UNC80: variants seen among roughly 807,000 people sequenced by gnomAD.
The protein encoded by UNC80 is unc-80 subunit of NALCN channel complex.
UNC80 carries 164 observed loss-of-function variants against 384.6 expected under a neutral mutation model. That is an observed-to-expected ratio of 0.43 (90% CI 0.38 to 0.49). The LOEUF is 0.49. UNC80 is among the 20% of genes least tolerant of loss of function. The pLI is 0.00. For synonymous variants in UNC80, 1,486 were observed against 1,527.8 expected, an observed-to-expected ratio of 0.97 and a Z score of 0.64; for missense variants, 3,330 against 4,143.0, an observed-to-expected ratio of 0.80 and a Z score of 5.39.
chr2:209,776,938 CT>C (rs1163121098), intron 3 of UNC80, among the ~76,000 whole-genome samples: 1 of 152,210 alleles, frequency 6.6e-6, no homozygotes, highest in African/African-American at 2.4e-5. Context: ...ATAGAGGGAC[CT>C]TTCTAGGTCA....
intron 40 of UNC80, among the ~76,000 whole-genome samples, chr2:209,936,265 C>A (rs1415415071): frequency 6.6e-6 from 1 of 152,106 alleles, no homozygotes; most frequent in Non-Finnish European, 1.5e-5. Flanking sequence ...TCAAACGCTG[C>A]CTTCACCACA....
chr2:209,988,439 G>C (rs2093332507), intron 61 of UNC80, among the ~76,000 whole-genome samples: 1 of 152,070 alleles, frequency 6.6e-6, no homozygotes, highest in African/African-American at 2.4e-5. Flanking sequence ...TGAGCGATAT[G>C]AATTTTTATT....
rs772054613 is a variant in UNC80 at position 209,872,065 on chromosome 2, C to T, written c.3628-693C>T. On this transcript the variant is annotated intron_variant, in intron 22 of 64. Coordinates refer to ENST00000673920, the MANE Select transcript of UNC80 (RefSeq NM_001371986.1). The surrounding 1 kb of genome is among the most constrained non-coding windows in gnomAD (Gnocchi z 4.1). ...TCTCCCAGGCTGGAGTGCAGTGGCG[C>T]GATCTCAGCTAACTGCAACTTACAC... Among the ~76,000 whole-genome samples, 2 of 151,762 alleles carry T rather than the reference C, an allele frequency of 1.3e-5. No homozygotes were observed. Among genetic ancestry groups the T allele is most frequent in the East Asian group, 1.9e-4 (1 of 5,136 alleles).
intron 9 of UNC80, among the ~76,000 whole-genome samples, chr2:209,815,855 T>C (rs2079697727): frequency 1.3e-5 from 2 of 152,218 alleles, no homozygotes; most frequent in Admixed American, 1.3e-4. Flanking sequence ...AACTCAAAAG[T>C]AGGTCTTCTA....
At chr2:209,902,286 C>G (rs2087502879) in intron 28 of UNC80, among the ~76,000 whole-genome samples, 1 of 152,164 alleles carries the variant, frequency 6.6e-6, no homozygotes, top group South Asian at 2.1e-4. Context: ...GAGGAAGTAC[C>G]TCTATGGATG....
chr2:209,842,689 T>C (rs995231931), intron 21 of UNC80, among the ~76,000 whole-genome samples: 1 of 152,332 alleles, frequency 6.6e-6, no homozygotes, highest in East Asian at 1.9e-4. Context: ...AGATCCAGCC[T>C]CTTCTGCTGT....
intron 51 of UNC80, among the ~76,000 whole-genome samples, chr2:209,964,872 A>T (rs1362804644): frequency 2.0e-5 from 3 of 151,886 alleles, no homozygotes; most frequent in Admixed American, 6.6e-5. Flanking sequence ...ATTGAAATTT[A>T]TGGGCCTTAT....
chr2:209,935,652 T>G lies in UNC80; in HGVS notation c.6179-62T>G, dbSNP rs1475541440. The G allele has an allele frequency of 6.3e-6, 5 of 792,150 alleles. No individual in the cohort carries two copies. In the African/African-American group the frequency reaches 9.1e-5, roughly 14 times the overall value. 49.1% of individuals were successfully genotyped at this position (792,150 alleles called of 1,614,324 possible). A position where few individuals can be genotyped will look rare whatever the true frequency, so the allele number is the denominator to read the frequency against. ...TTATTGATAATATTTTAATATTTTA[T>G]GCTTTAAAATACAAATTTTCTATAG... On this transcript the variant is annotated intron_variant, in intron 39 of 64. Transcript: ENST00000673920.
At chr2:209,807,758 G>A (rs1235958170) in intron 7 of UNC80, among the ~76,000 whole-genome samples, 1 of 152,144 alleles carries the variant, frequency 6.6e-6, no homozygotes, top group Admixed American at 6.5e-5. Flanking sequence ...GTGATACTTT[G>A]ATCGTACCTG....
Position 209,983,666 on chromosome 2 carries a change from T to C in UNC80, c.9258-1190T>C, listed in dbSNP as rs574867138. On this transcript the variant is annotated intron_variant, in intron 60 of 64. Transcript: ENST00000673920. ...TTATTTGAAAGTTTTATTTAAATTA[T>C]AGAATTGTAGAAATTTCATAAAGAG... Among the ~76,000 whole-genome samples, 9 of 152,312 alleles carry C rather than the reference T, an allele frequency of 5.9e-5. No individual in the cohort carries two copies. The East Asian group carries it at 1.7e-3, about 29-fold the overall frequency.
At chr2:209,780,130 T>A (rs1254551107) in intron 4 of UNC80, among the ~76,000 whole-genome samples, 1 of 152,232 alleles carries the variant, frequency 6.6e-6, no homozygotes, top group African/African-American at 2.4e-5. Context: ...GCTGGTATTA[T>A]GTATTATTAG....
chr2:209,943,621 G>C (rs558779423), intron 45 of UNC80, 107 bp downstream of exon 45: 1 of 1,349,058 alleles, frequency 7.4e-7, no homozygotes, highest in East Asian at 2.5e-5. Context: ...CATCACTTGT[G>C]TTTTGGCAGA....
chr2:209,799,312 G>A (rs1020867507), intron 7 of UNC80, among the ~76,000 whole-genome samples: 1 of 151,958 alleles, frequency 6.6e-6, no homozygotes, highest in African/African-American at 2.4e-5. Context: ...TGTATTTCTA[G>A]GTATTGTATT....
chr2:209,885,334 G>A (rs1372076302), intron 25 of UNC80, among the ~76,000 whole-genome samples: 1 of 152,176 alleles, frequency 6.6e-6, no homozygotes, highest in Non-Finnish European at 1.5e-5. Context: ...GTAGCAGAGA[G>A]CCACGGCTAG....
In UNC80 at chr2:209,839,482, C is replaced by A; in HGVS notation, c.3250+52C>A. 6.5e-7 allele frequency: 1 copy of A among 1,536,002 alleles called. No individual in the cohort carries two copies. The highest frequency in any genetic ancestry group is 8.8e-7 in the Non-Finnish European group (1 of 1,133,890). On this transcript the variant is annotated intron_variant, in intron 19 of 64. Transcript: ENST00000673920. The surrounding 1 kb of genome is among the most constrained non-coding windows in gnomAD (Gnocchi z 4.1). Reference sequence around the variant, plus strand: ...GGATTATCTTATTACCAACCATGTCCTCAGATCAACTCAGTGATGCATAGT... The same window carrying A: ...GGATTATCTTATTACCAACCATGTCATCAGATCAACTCAGTGATGCATAGT...
intron 16 of UNC80, among the ~76,000 whole-genome samples, 166 bp from the exon 17 acceptor site, chr2:209,833,836 T>C (rs186831414): frequency 6.6e-6 from 1 of 152,326 alleles, no homozygotes; most frequent in African/African-American, 2.4e-5. Context: ...ATAGGAACAT[T>C]GTAGAGGGAG....
At position 209,999,222 on chromosome 2, in the gene UNC80, A is replaced by C. The variant is rs2093524713; in HGVS notation, c.*3627A>C. The C allele has an allele frequency of 6.6e-6, 1 of 152,256 alleles. No individual in the cohort carries two copies. Among genetic ancestry groups the C allele is most frequent in the Admixed American group, 6.5e-5 (1 of 15,286 alleles). 9.4% of individuals were successfully genotyped at this position (152,256 alleles called of 1,614,324 possible). On this transcript the variant is annotated 3_prime_UTR_variant, in exon 65 of 65. Coordinates refer to ENST00000673920, the MANE Select transcript of UNC80 (RefSeq NM_001371986.1). ...GAATAAATACTGAAATGTTTATGAA[A>C]GATATTTATGAAAGATATTAAGACT...
At chr2:209,888,063 C>T (rs772653362) in intron 25 of UNC80, 32 bp from the exon 26 acceptor site, 3 of 1,550,266 alleles carry the variant, frequency 1.9e-6, no homozygotes, top group African/African-American at 2.7e-5. Context: ...GGGGAGATGC[C>T]AGCACTCATG....
At chr2:209,950,821 G>A (rs1183419324) in intron 47 of UNC80, among the ~76,000 whole-genome samples, 1 of 151,518 alleles carries the variant, frequency 6.6e-6, no homozygotes, top group Non-Finnish European at 1.5e-5. Flanking sequence ...GCCTCCCAAA[G>A]TGCTGGGATT....
Sources: gnomAD v4.1 joint callset for allele counts (sites outside exome capture counted in the v4.1 genomes callset) on GRCh38, gnomAD v4.1.1 for gene constraint, Gnocchi (gnomAD v3.1) non-coding constraint, MANE v1.5 for transcripts, NCBI Gene and HGNC (gene_info 2026-07-23, HGNC 2026-07-21) for gene names.